ERICH5: variants seen among roughly 807,000 people sequenced by gnomAD.
ERICH5 encodes the protein glutamate rich 5.
Under a neutral mutation model 28.0 loss-of-function variants are expected in ERICH5, and 24 were observed. The observed-to-expected ratio is 0.86, with a 90% confidence interval of 0.62 to 1.21. ERICH5 has a LOEUF of 1.21. ERICH5 is among the 50% of genes most tolerant of loss of function. The probability of loss-of-function intolerance (pLI) is 0.00; values close to 1 mark genes in which losing one functional copy is unlikely to be tolerated. For synonymous variants in ERICH5, 163 were observed against 157.6 expected, an observed-to-expected ratio of 1.03 and a Z score of -0.25; for missense variants, 421 against 441.2, an observed-to-expected ratio of 0.95 and a Z score of 0.41.
At chr8:98,081,920 C>T (rs1703307725) in intron 1 of ERICH5, among the ~76,000 whole-genome samples, 2 of 149,340 alleles carry the variant, frequency 1.3e-5, no homozygotes, top group South Asian at 4.2e-4. Context: ...AAGAATGAAA[C>T]TTCGTCTAAA....
chr8:98,091,424 C>A (rs555727964), intron 2 of ERICH5, among the ~76,000 whole-genome samples: 106 of 152,150 alleles, frequency 7.0e-4, no homozygotes, highest in Non-Finnish European at 1.4e-3. Flanking sequence ...TAAGAAGGGC[C>A]CTGGGAACAA....
At chr8:98,080,619 T>TCTTCTCCTTCACCTTCTTCTC (rs1815163176) in intron 1 of ERICH5, among the ~76,000 whole-genome samples, 1 of 151,652 alleles carries the variant, frequency 6.6e-6, no homozygotes, top group African/African-American at 2.4e-5. Flanking sequence ...TTCTCCTTCT[T>TCTTCTCCTTCACCTTCTTCTC]CTTCTCCTTC....
chr8:98,085,327 AT>A (rs1016612744), intron 1 of ERICH5, among the ~76,000 whole-genome samples: 153 of 150,260 alleles, frequency 1.0e-3, no homozygotes, highest in Non-Finnish European at 1.4e-3. Flanking sequence ...CGCCCTGCTA[AT>A]TTTTTTTTGT....
intron 1 of ERICH5, among the ~76,000 whole-genome samples, chr8:98,086,664 A>C (rs941270337): frequency 6.6e-5 from 10 of 152,030 alleles, no homozygotes; most frequent in African/African-American, 2.4e-4. Flanking sequence ...CTGAAAGGAA[A>C]TGTGGGCCGG....
chr8:98,073,688 G>A (rs933648401), intron 1 of ERICH5, among the ~76,000 whole-genome samples: 18 of 148,168 alleles, frequency 1.2e-4, no homozygotes, highest in Non-Finnish European at 1.9e-4. Flanking sequence ...GATTACAGAC[G>A]GGTGCCACCA....
intron 1 of ERICH5, among the ~76,000 whole-genome samples, chr8:98,077,886 T>C (rs1418422207): frequency 6.6e-6 from 1 of 152,180 alleles, no homozygotes; most frequent in Non-Finnish European, 1.5e-5. Context: ...TGTTTCTCTA[T>C]ATTTAAATTT....
intron 1 of ERICH5, among the ~76,000 whole-genome samples, chr8:98,065,589 C>T (rs1425662266): frequency 6.6e-6 from 1 of 152,154 alleles, no homozygotes; most frequent in Non-Finnish European, 1.5e-5. Flanking sequence ...TGGCTAAGAT[C>T]GTTTCTGACA....
rs575944732 is a variant in ERICH5 at position 98,083,710 on chromosome 8, G to A, written c.59-5366G>A. ...AGCAAATTTGTTAATAAGATAGAGA[G>A]CTCAGCTCTAGGCTGTTACATATAT... is the stretch of plus-strand genomic sequence containing the variant. On this transcript the variant is annotated intron_variant, in intron 1 of 2. Coordinates refer to ENST00000318528, the MANE Select transcript of ERICH5 (RefSeq NM_173549.3). Among the ~76,000 whole-genome samples the A allele has an allele frequency of 3.7e-4, 56 of 152,258 alleles. 2 individuals carry two copies. In the South Asian group the frequency reaches 0.011, roughly 30 times the overall value.
chr8:98,079,860 T>C (rs1038669019), intron 1 of ERICH5, among the ~76,000 whole-genome samples: 1 of 152,214 alleles, frequency 6.6e-6, no homozygotes, highest in Admixed American at 6.5e-5. Flanking sequence ...TATTTATCAA[T>C]AATCATGTTT....
chr8:98,071,130 G>A (rs924917514), intron 1 of ERICH5, among the ~76,000 whole-genome samples: 1 of 152,114 alleles, frequency 6.6e-6, no homozygotes, highest in African/African-American at 2.4e-5. Context: ...TGGACGTGGT[G>A]GCAGCTGGTG....
chr8:98,090,086 C>G, intron 2 of ERICH5, 57 bp downstream of exon 2: 1 of 1,321,300 alleles, frequency 7.6e-7, no homozygotes, highest in Non-Finnish European at 1.1e-6. Context: ...GAGACCAGCT[C>G]TGGGGAGTGG....
chr8:98,079,944 A>G (rs1455776815), intron 1 of ERICH5, among the ~76,000 whole-genome samples: 1 of 152,250 alleles, frequency 6.6e-6, no homozygotes, highest in Non-Finnish European at 1.5e-5. Context: ...GAGACTGTGT[A>G]TCTAAGCCCT....
In ERICH5 at chr8:98,093,211, A is replaced by C. The variant is rs1425448383; in HGVS notation, c.1013-10A>C. ...ATGTCTCTTAGTATCTCCTTTGGTT[A>C]CTTTTCCAGGTGAGACAGGGGAAAA... On this transcript the variant is annotated splice_polypyrimidine_tract_variant and intron_variant, in intron 2 of 2. Coordinates refer to ENST00000318528, the MANE Select transcript of ERICH5 (RefSeq NM_173549.3). 3.2e-6 allele frequency: 5 copies of C among 1,584,522 alleles called. No individual in the cohort carries two copies. In the African/African-American group the frequency reaches 6.7e-5, roughly 21 times the overall value.
intron 1 of ERICH5, among the ~76,000 whole-genome samples, chr8:98,088,462 A>G (rs904440288): frequency 1.3e-5 from 2 of 152,086 alleles, no homozygotes; most frequent in Non-Finnish European, 2.9e-5. Context: ...TTCTTTTCCC[A>G]CTGTGCCCCC....
At chr8:98,079,372 C>T (rs1338428512) in intron 1 of ERICH5, among the ~76,000 whole-genome samples, 4 of 151,834 alleles carry the variant, frequency 2.6e-5, no homozygotes, top group African/African-American at 9.7e-5. Context: ...CCCCTGTGCC[C>T]ACCCAGATCT....
intron 1 of ERICH5, among the ~76,000 whole-genome samples, chr8:98,084,117 G>A (rs917873624): frequency 1.3e-5 from 2 of 148,608 alleles, no homozygotes; most frequent in Non-Finnish European, 3.0e-5. Flanking sequence ...TTGAACTCCT[G>A]GCCTCAAGTG....
At chr8:98,072,020 G>C (rs1814928013) in intron 1 of ERICH5, among the ~76,000 whole-genome samples, 1 of 151,736 alleles carries the variant, frequency 6.6e-6, no homozygotes, top group Non-Finnish European at 1.5e-5. Flanking sequence ...CCAAAGTGCT[G>C]GGATTACAGG....
chr8:98,070,239 T>C (rs1001921775), intron 1 of ERICH5, among the ~76,000 whole-genome samples: 1 of 152,100 alleles, frequency 6.6e-6, no homozygotes, highest in South Asian at 2.1e-4. Context: ...ACATATGCAA[T>C]CAGCTGAGTG....
chr8:98,093,190 C>A, intron 2 of ERICH5, 31 bp from the exon 3 acceptor site: 1 of 1,439,496 alleles, frequency 6.9e-7, no homozygotes, highest in Non-Finnish European at 9.7e-7. Flanking sequence ...AAATAAATGT[C>A]TCTTAGTATC....
Sources: gnomAD v4.1 joint callset for allele counts (sites outside exome capture counted in the v4.1 genomes callset) on GRCh38, gnomAD v4.1.1 for gene constraint, MANE v1.5 for transcripts, NCBI Gene and HGNC (gene_info 2026-07-23, HGNC 2026-07-21) for gene names.